PTPRG: variants seen among roughly 807,000 people sequenced by gnomAD.
PTPRG encodes the protein protein tyrosine phosphatase receptor type G.
In PTPRG, 102 loss-of-function variants were observed where a neutral mutation model predicts 165.3. The observed-to-expected ratio is 0.62, with a 90% CI of 0.53 to 0.73. The LOEUF (loss-of-function observed/expected upper bound fraction) is 0.73, where lower values mean the gene tolerates loss of function less well. Among genes scored for constraint, PTPRG ranks in the 30% least tolerant of loss-of-function variants. The pLI is 0.00. For synonymous variants in PTPRG, 675 were observed against 669.5 expected (o/e 1.01, Z -0.13); for missense variants, 1,866 against 1,861.4 (o/e 1.00, Z -0.05).
At chr3:62,142,946 C>G (rs1703984249) in intron 6 of PTPRG, among the ~76,000 whole-genome samples, 1 of 152,170 alleles carries the variant, frequency 6.6e-6, no homozygotes, top group African/African-American at 2.4e-5. Flanking sequence ...TATAGAAAGG[C>G]AAGCAAAGCA....
At chr3:61,885,006 G>A (rs1037722170) in intron 2 of PTPRG, among the ~76,000 whole-genome samples, 10 of 152,118 alleles carry the variant, frequency 6.6e-5, no homozygotes, top group East Asian at 1.9e-4. Flanking sequence ...TCTGTCCTGC[G>A]TGTGCATTTG....
At chr3:61,632,360 A>C (rs181719328) in intron 1 of PTPRG, among the ~76,000 whole-genome samples, 1 of 152,198 alleles carries the variant, frequency 6.6e-6, no homozygotes, top group African/African-American at 2.4e-5. Context: ...AGAGGAAGTT[A>C]TAAGGCACAT....
At chr3:62,096,134 G>GA (rs1702099935) in intron 5 of PTPRG, among the ~76,000 whole-genome samples, 2 of 152,068 alleles carry the variant, frequency 1.3e-5, no homozygotes, top group Non-Finnish European at 2.9e-5. Context: ...AAAGAGGAGA[G>GA]ATGGTGGTAG....
At chr3:61,719,040 A>G (rs1381071684) in intron 1 of PTPRG, among the ~76,000 whole-genome samples, 1 of 152,192 alleles carries the variant, frequency 6.6e-6, no homozygotes, top group Non-Finnish European at 1.5e-5. Flanking sequence ...ACTAAAAGCC[A>G]GTAGAAATTC....
chr3:61,674,844 CT>C (rs1254862115), intron 1 of PTPRG, among the ~76,000 whole-genome samples: 3 of 152,104 alleles, frequency 2.0e-5, no homozygotes, highest in Non-Finnish European at 2.9e-5. Context: ...TTACAGTATG[CT>C]TTTTTGCCTC....
At chr3:61,715,220 G>A (rs1338384949) in intron 1 of PTPRG, among the ~76,000 whole-genome samples, 1 of 136,636 alleles carries the variant, frequency 7.3e-6, no homozygotes, top group Non-Finnish European at 1.6e-5. Flanking sequence ...TTATTTTTTT[G>A]TTTGTTTGTT....
At chr3:62,024,804 G>C (rs2041770222) in intron 4 of PTPRG, among the ~76,000 whole-genome samples, 1 of 152,158 alleles carries the variant, frequency 6.6e-6, no homozygotes, top group African/African-American at 2.4e-5. Flanking sequence ...AAATGCTTTA[G>C]ACTTGACTTC....
intron 4 of PTPRG, among the ~76,000 whole-genome samples, chr3:62,076,856 C>G (rs1559783400): frequency 6.6e-6 from 1 of 152,256 alleles, no homozygotes; most frequent in Non-Finnish European, 1.5e-5. Context: ...GCTGGGATTA[C>G]AGGCGTGAGC....
At chr3:61,777,160 C>G (rs2034409282) in intron 2 of PTPRG, among the ~76,000 whole-genome samples, 1 of 152,126 alleles carries the variant, frequency 6.6e-6, no homozygotes, top group African/African-American at 2.4e-5. Flanking sequence ...TACTCGGTAG[C>G]TTTATTTTTT....
At chr3:61,591,160 T>C (rs2106821930) in intron 1 of PTPRG, among the ~76,000 whole-genome samples, 1 of 152,330 alleles carries the variant, frequency 6.6e-6, no homozygotes, top group East Asian at 1.9e-4. Context: ...CAGAAAACAG[T>C]CTTTATATGT....
At chr3:61,629,709 G>A (rs1367055442) in intron 1 of PTPRG, among the ~76,000 whole-genome samples, 7 of 152,128 alleles carry the variant, frequency 4.6e-5, no homozygotes, top group Non-Finnish European at 1.5e-5. Flanking sequence ...TTGCTTTTGC[G>A]GTCTCAGGTA....
At chr3:61,583,547 C>T (rs1700357700) in intron 1 of PTPRG, among the ~76,000 whole-genome samples, 1 of 152,168 alleles carries the variant, frequency 6.6e-6, no homozygotes, top group African/African-American at 2.4e-5. Context: ...CCTAGCATCT[C>T]TTTTAACATT....
At chr3:61,908,502 A>G (rs2038716586) in intron 2 of PTPRG, among the ~76,000 whole-genome samples, 1 of 151,660 alleles carries the variant, frequency 6.6e-6, no homozygotes, top group Non-Finnish European at 1.5e-5. Flanking sequence ...GCATTTGGCC[A>G]CAGTTCCACA....
intron 2 of PTPRG, among the ~76,000 whole-genome samples, chr3:61,956,134 TTGTA>T (rs1382070591): frequency 6.6e-6 from 1 of 151,250 alleles, no homozygotes; most frequent in African/African-American, 2.5e-5. Flanking sequence ...TGTCTTTTAG[TTGTA>T]TGTCTTTATC....
intron 2 of PTPRG, among the ~76,000 whole-genome samples, chr3:61,784,943 A>G (rs1265409702): frequency 2.0e-5 from 3 of 152,248 alleles, no homozygotes; most frequent in African/African-American, 7.2e-5. Context: ...GTGATAACTC[A>G]GCTAATGAAA....
intron 8 of PTPRG, among the ~76,000 whole-genome samples, chr3:62,178,358 A>C (rs887722694): frequency 6.6e-6 from 1 of 152,178 alleles, no homozygotes; most frequent in African/African-American, 2.4e-5. Context: ...TTACCAAAAG[A>C]GTTTGCACAA....
intron 6 of PTPRG, among the ~76,000 whole-genome samples, chr3:62,133,707 A>T (rs1703600896): frequency 6.6e-6 from 1 of 152,176 alleles, no homozygotes; most frequent in Non-Finnish European, 1.5e-5. Context: ...TTTCTGGGCC[A>T]GGCATGGTGG....
intron 2 of PTPRG, among the ~76,000 whole-genome samples, chr3:61,930,880 G>A (rs2039344865): frequency 1.3e-5 from 2 of 152,122 alleles, no homozygotes; most frequent in Admixed American, 1.3e-4. Context: ...GGCCAATATG[G>A]TGAAACCCCA....
intron 2 of PTPRG, among the ~76,000 whole-genome samples, chr3:61,937,353 C>A (rs1404632368): frequency 6.6e-6 from 1 of 152,160 alleles, no homozygotes; most frequent in Non-Finnish European, 1.5e-5. Context: ...CCTTTTGAAT[C>A]CCGTGGTAGC....
Sources: allele counts gnomAD v4.1 joint callset (sites outside exome capture counted in the v4.1 genomes callset), GRCh38; gene constraint gnomAD v4.1.1; transcripts MANE v1.5; gene names NCBI Gene and HGNC (gene_info 2026-07-23, HGNC 2026-07-21).